The following NSG2 variants were observed in gnomAD, a reference collection of about 807,000 sequenced individuals.
NSG2 encodes the protein neuronal vesicle trafficking-associated protein 2.
A neutral mutation model predicts 16.9 loss-of-function variants in NSG2; 4 were observed. The ratio of observed to expected loss-of-function variants is 0.24; its 90% CI spans 0.12 to 0.54. NSG2 has a LOEUF of 0.54. Ranked by LOEUF, NSG2 falls within the 20% of genes least tolerant of loss-of-function variation. The pLI is 0.95. For missense variants in NSG2, 179 were observed against 221.1 expected, an observed-to-expected ratio of 0.81 and a Z score of 1.21; for synonymous variants, 98 against 88.7, an observed-to-expected ratio of 1.11 and a Z score of -0.59.
chr5:174,090,302 C>G (rs1760701610), intron 3 of NSG2, among the ~76,000 whole-genome samples: 1 of 152,188 alleles, frequency 6.6e-6, no homozygotes, highest in Non-Finnish European at 1.5e-5. Context: ...AATCGTCTCC[C>G]AGTGGAGTCA....
intron 3 of NSG2, among the ~76,000 whole-genome samples, chr5:174,080,423 T>A (rs1760428818): frequency 6.6e-6 from 1 of 151,310 alleles, no homozygotes; most frequent in Non-Finnish European, 1.5e-5. Context: ...CATAAATTTA[T>A]AGATTTCAAT....
At chr5:174,099,022 G>C (rs1760857200) in intron 3 of NSG2, among the ~76,000 whole-genome samples, 1 of 152,188 alleles carries the variant, frequency 6.6e-6, no homozygotes. Context: ...ATGTTCAGAG[G>C]TGCTTTGTGG....
chr5:174,105,812 A>G (rs2113482003), intron 4 of NSG2, among the ~76,000 whole-genome samples: 1 of 152,178 alleles, frequency 6.6e-6, no homozygotes, highest in East Asian at 1.9e-4. Context: ...AGGCAGGAGA[A>G]TCACTTTAAC....
intron 3 of NSG2, among the ~76,000 whole-genome samples, chr5:174,097,384 C>T (rs1416894179): frequency 6.6e-6 from 1 of 151,546 alleles, no homozygotes; most frequent in Non-Finnish European, 1.5e-5. Flanking sequence ...CAGGTGCTTC[C>T]GTGCACCACT....
chr5:174,056,272 GGAA>G (rs1333229157), intron 2 of NSG2: 1 of 152,190 alleles, frequency 6.6e-6, no homozygotes, highest in Non-Finnish European at 1.5e-5. Flanking sequence ...CTGTAAAATG[GGAA>G]TAATTACCTT....
chr5:174,062,981 T>G (rs1157708505), intron 2 of NSG2, among the ~76,000 whole-genome samples: 3 of 152,200 alleles, frequency 2.0e-5, no homozygotes, highest in African/African-American at 7.2e-5. Flanking sequence ...ATTTTAGCTG[T>G]GTGACCCTGG....
chr5:174,067,557 G>T (rs920621314), intron 3 of NSG2, among the ~76,000 whole-genome samples: 6 of 152,364 alleles, frequency 3.9e-5, no homozygotes, highest in Admixed American at 3.9e-4. Context: ...GGGCAGAGGG[G>T]GACCTGCACT....
At chr5:174,054,088 G>T (rs764109450) in intron 2 of NSG2, among the ~76,000 whole-genome samples, 17 of 152,240 alleles carry the variant, frequency 1.1e-4, no homozygotes, top group African/African-American at 1.7e-4. Flanking sequence ...CCTAAGCAGA[G>T]GTTTTGAGAA....
At chr5:174,070,715 G>T (rs539516429) in intron 3 of NSG2, among the ~76,000 whole-genome samples, 10 of 152,202 alleles carry the variant, frequency 6.6e-5, no homozygotes, top group African/African-American at 1.2e-4. Context: ...ACCCCTTCCT[G>T]ATCCTCTAGC....
chr5:174,104,263 T>C lies in NSG2; in HGVS notation c.249T>C (p.Leu83=), dbSNP rs143590650. The change falls in exon 4 of 5, where the codon CTT becomes CTC. Residue 83 remains leucine (L), a synonymous_variant. Transcript: ENST00000303177. The part of the protein sequence containing the change: ...TILVSLALAF[L]ACIVFLVVYK... ...TTGTCAGCCTGGCCCTAGCTTTCCT[T>C]GCGTGCATCGTGTTCCTGGTGGTTT... 201 of 1,614,166 alleles carry C rather than the reference T, an allele frequency of 1.2e-4. 1 individual carries two copies. Among genetic ancestry groups the C allele is most frequent in the Middle Eastern group, 9.9e-4 (6 of 6,062 alleles).
In NSG2 at chr5:174,091,088, T is replaced by C. The variant is rs1298874905; in HGVS notation, c.214-13140T>C. 4 of 148,228 alleles carry C rather than the reference T, an allele frequency of 2.7e-5. No homozygotes were observed. The East Asian group carries it at 8.3e-4, about 31-fold the overall frequency. The allele number at this position is 148,228 out of a possible 1,614,324, so 9.2% of individuals were successfully genotyped here. ...TCAACTTTTCTGCCAAGAAAGGGGA[T>C]TAAGGAATGGAAGTAGCTTAATGGA... On this transcript the variant is annotated intron_variant, in intron 3 of 4. Transcript: ENST00000303177.
At chr5:174,083,248 G>A (rs1267300135) in intron 3 of NSG2, among the ~76,000 whole-genome samples, 2 of 152,242 alleles carry the variant, frequency 1.3e-5, no homozygotes, top group South Asian at 2.1e-4. Context: ...CTGGCCCAGG[G>A]CCAGCGAAGG....
chr5:174,059,271 T>C (rs1346395719), intron 2 of NSG2, among the ~76,000 whole-genome samples: 1 of 152,214 alleles, frequency 6.6e-6, no homozygotes, highest in South Asian at 2.1e-4. Flanking sequence ...AATTCATCAA[T>C]GTATATGTAG....
intron 2 of NSG2, among the ~76,000 whole-genome samples, chr5:174,047,493 C>A (rs951090588): frequency 6.6e-6 from 1 of 152,196 alleles, no homozygotes; most frequent in Non-Finnish European, 1.5e-5. Context: ...AGGCAAACTG[C>A]AGAGGAGAGC....
chr5:174,086,988 A>C (rs536391462), intron 3 of NSG2, among the ~76,000 whole-genome samples: 2 of 152,262 alleles, frequency 1.3e-5, no homozygotes, highest in South Asian at 4.1e-4. Flanking sequence ...CTGGCTCTAC[A>C]CCCAGGAATC....
At chr5:174,066,220 C>G (rs1356042335) in intron 3 of NSG2, 2 of 456,280 alleles carry the variant, frequency 4.4e-6, no homozygotes, top group Admixed American at 4.7e-5. Context: ...CCACACAGCA[C>G]AGGCCCAGTG....
chr5:174,081,175 A>G (rs1408454804), intron 3 of NSG2, among the ~76,000 whole-genome samples: 1 of 152,080 alleles, frequency 6.6e-6, no homozygotes, highest in Non-Finnish European at 1.5e-5. Flanking sequence ...GGAATATACA[A>G]TTGTTCCATC....
chr5:174,092,973 C>T (rs559129391), intron 3 of NSG2, among the ~76,000 whole-genome samples: 1 of 152,120 alleles, frequency 6.6e-6, no homozygotes, highest in East Asian at 1.9e-4. Flanking sequence ...AGTGTTTTTC[C>T]TTTTGGATTT....
chr5:174,073,075 C>T (rs899116269), intron 3 of NSG2, among the ~76,000 whole-genome samples: 2 of 152,222 alleles, frequency 1.3e-5, no homozygotes, highest in Admixed American at 6.5e-5. Flanking sequence ...ACATCGATCA[C>T]ATCAACAGCT....
Sources: gnomAD v4.1 joint callset for allele counts (sites outside exome capture counted in the v4.1 genomes callset) on GRCh38, gnomAD v4.1.1 for gene constraint, MANE v1.5 for transcripts, NCBI Gene and HGNC (gene_info 2026-07-23, HGNC 2026-07-21) for gene names.